Variants in NSUN2 observed in about 807,000 individuals in gnomAD.
NSUN2 encodes the protein NOP2/Sun RNA methyltransferase 2.
A neutral mutation model predicts 92.7 loss-of-function variants in NSUN2; 63 were observed. That is an observed-to-expected ratio of 0.68 (90% CI 0.56 to 0.84). The LOEUF is 0.84. NSUN2 is among the 40% of genes least tolerant of loss of function. The pLI is 0.00. For synonymous variants in NSUN2, 356 were observed against 348.3 expected (o/e 1.02, Z -0.25); for missense variants, 989 against 964.9 (o/e 1.02, Z -0.33).
intron 4 of NSUN2, among the ~76,000 whole-genome samples, chr5:6,623,739 A>G (rs1737549738): frequency 6.6e-6 from 1 of 152,232 alleles, no homozygotes; most frequent in South Asian, 2.1e-4. Flanking sequence ...GACATAGCCC[A>G]TGCCCACTTT....
intron 5 of NSUN2, among the ~76,000 whole-genome samples, chr5:6,622,653 G>A (rs1737492846): frequency 6.6e-6 from 1 of 152,096 alleles, no homozygotes; most frequent in African/African-American, 2.4e-5. Flanking sequence ...TTCGAGACCA[G>A]CCTGACCAAC....
At position 6,611,102 on chromosome 5, in the gene NSUN2, T is replaced by C. The variant is rs2303706; in HGVS notation, c.1096-17A>G. 2.9e-3 allele frequency: 4,691 copies of C among 1,614,052 alleles called. 222 individuals are homozygous for C. In the East Asian group the frequency reaches 0.093, roughly 32 times the overall value. On this transcript the variant is annotated splice_polypyrimidine_tract_variant and intron_variant, in intron 10 of 18. Coordinates refer to ENST00000264670, the MANE Select transcript of NSUN2 (RefSeq NM_017755.6). ...CGTCATTACCTGCAGAACCACAGGG[T>C]ACATTCCAGATTACTAGCACTATCC... is the stretch of plus-strand genomic sequence containing the variant.
rs770635248 is a variant in NSUN2 at position 6,632,772 on chromosome 5, G to A, written c.97-16C>T. 1.4e-5 allele frequency: 23 copies of A among 1,611,450 alleles called. No individual in the cohort carries two copies. Among genetic ancestry groups the A allele is most frequent in the Middle Eastern group, 1.7e-4 (1 of 5,960 alleles). On this transcript the variant is annotated splice_polypyrimidine_tract_variant and intron_variant, in intron 1 of 18. Coordinates refer to ENST00000264670, the MANE Select transcript of NSUN2 (RefSeq NM_017755.6). ...CTTCCCAGCCCTGAGGAAGGAAAGA[G>A]ACGTCTACCCCGAGGCCCAAGGAGC...
At chr5:6,602,384 C>G (rs1736591730) in intron 18 of NSUN2, 77 bp downstream of exon 18, 1 of 1,437,604 alleles carries the variant, frequency 7.0e-7, no homozygotes, top group Non-Finnish European at 9.8e-7. Flanking sequence ...CTTCCCAAGT[C>G]ACTTTCCTCA....
chr5:6,620,440 C>A, intron 6 of NSUN2, 142 bp from the exon 7 acceptor site: 1 of 575,388 alleles, frequency 1.7e-6, no homozygotes, highest in South Asian at 4.0e-5. Context: ...TCCAGAATTA[C>A]GTTAAGTGGT....
At chr5:6,610,934 C>T in intron 11 of NSUN2, 21 bp downstream of exon 11, 1 of 1,613,670 alleles carries the variant, frequency 6.2e-7, no homozygotes, top group Non-Finnish European at 8.5e-7. Context: ...CTCCCCACAC[C>T]TGGAGGCCCC....
intron 12 of NSUN2, among the ~76,000 whole-genome samples, chr5:6,608,305 C>T (rs1298274078): frequency 6.6e-6 from 1 of 152,222 alleles, no homozygotes; most frequent in African/African-American, 2.4e-5. Flanking sequence ...GCATGTTCTC[C>T]CATCTCTGTT....
At chr5:6,622,361 G>T (rs1737480847) in intron 5 of NSUN2, among the ~76,000 whole-genome samples, 1 of 152,194 alleles carries the variant, frequency 6.6e-6, no homozygotes, top group Non-Finnish European at 1.5e-5. Context: ...GAACAAGTAA[G>T]AATCATGAAA....
At chr5:6,625,755 C>A in intron 3 of NSUN2, 86 bp from the exon 4 acceptor site, 1 of 858,132 alleles carries the variant, frequency 1.2e-6, no homozygotes, top group East Asian at 2.6e-5. Flanking sequence ...AGTCGCATGC[C>A]AAATGAGACT....
chr5:6,605,279 C>G lies in NSUN2; in HGVS notation c.1731G>C (p.Lys577Asn), dbSNP rs1205342900. The G allele has an allele frequency of 6.2e-7, 1 of 1,614,122 alleles. No individual in the cohort carries two copies. Among genetic ancestry groups the G allele is most frequent in the Non-Finnish European group, 8.5e-7 (1 of 1,179,968 alleles). ...LRNVLLNNSE[K>N]MKVINTGIKV... ...GCGTCTGTGCGGCTGGCACCTTCATCTTCTCACTGTTATTCAGCAGCACAT... is the reference window on the plus strand; with the variant it reads ...GCGTCTGTGCGGCTGGCACCTTCATGTTCTCACTGTTATTCAGCAGCACAT... The change falls in exon 15 of 19, where the codon AAG becomes AAC. Residue 577 changes from lysine (K) to asparagine (N), a missense_variant. By Grantham distance (94) the Lys-to-Asn change is moderately conservative. Transcript: ENST00000264670.
chr5:6,607,091 A>C (rs1736807065), intron 13 of NSUN2, 109 bp downstream of exon 13: 1 of 1,162,776 alleles, frequency 8.6e-7, no homozygotes, highest in South Asian at 1.4e-5. Flanking sequence ...GATACCACAC[A>C]TGTACTGCCC....
rs974858931 is a variant in NSUN2, at chr5:6,611,719, G to A, written c.1095+6C>T. ...TTTAGAATGAAAGTTCTCGAGGAAA[G>A]GTTACCTTCCACTGTGTGATTCCAG... On this transcript the variant is annotated splice_donor_region_variant and intron_variant, in intron 10 of 18. Transcript: ENST00000264670. 5.0e-6 allele frequency: 8 copies of A among 1,613,560 alleles called. No homozygotes were observed. The African/African-American group carries it at 1.1e-4, about 22-fold the overall frequency.
In NSUN2 at chr5:6,599,874, A is replaced by G. The variant is rs199535081; in HGVS notation, c.*52T>C. On this transcript the variant is annotated 3_prime_UTR_variant, in exon 19 of 19. Coordinates refer to ENST00000264670, the MANE Select transcript of NSUN2 (RefSeq NM_017755.6). Reference sequence around the variant, plus strand: ...TTGGTTTCAGACACCAGTGACCAGAAGAAGCCAGTTTTGCGTGTGAGGGGT... The same window carrying G: ...TTGGTTTCAGACACCAGTGACCAGAGGAAGCCAGTTTTGCGTGTGAGGGGT... The G allele has an allele frequency of 3.2e-6, 5 of 1,549,002 alleles. No individual in the cohort carries two copies. The highest frequency in any genetic ancestry group is 4.4e-6 in the Non-Finnish European group (5 of 1,135,786).
chr5:6,629,814 T>G (rs1737800997), intron 3 of NSUN2, among the ~76,000 whole-genome samples: 1 of 152,148 alleles, frequency 6.6e-6, no homozygotes, highest in South Asian at 2.1e-4. Context: ...CAGGGGGAGA[T>G]CTGATGGTTT....
At position 6,617,956 on chromosome 5, in the gene NSUN2, A is replaced by G; in HGVS notation, c.884T>C (p.Leu295Pro). 1 of 1,612,622 alleles carries G rather than the reference A, an allele frequency of 6.2e-7. No homozygotes were observed. The highest frequency in any genetic ancestry group is 2.2e-5 in the East Asian group (1 of 44,834). ...GTGATGAAGTTTTACTTACCCATGTAGCTGCAAGCTATTTAAGGTGGTCCA... is the reference window on the plus strand; with the variant it reads ...GTGATGAAGTTTTACTTACCCATGTGGCTGCAAGCTATTTAAGGTGGTCCA... ...KKWTTLNSLQLHGLQLRIATR... is the reference protein window; with the variant it reads ...KKWTTLNSLQPHGLQLRIATR... The change falls in exon 8 of 19, where the codon CTA becomes CCA. Residue 295 changes from leucine to proline, a missense_variant. Transcript: ENST00000264670.
intron 3 of NSUN2, among the ~76,000 whole-genome samples, chr5:6,630,831 A>C (rs888372401): frequency 3.1e-4 from 47 of 152,200 alleles, no homozygotes; most frequent in Non-Finnish European, 6.2e-4. Flanking sequence ...GCAGTGGCTC[A>C]CGCCTGTAAT....
intron 13 of NSUN2, 60 bp downstream of exon 13, chr5:6,607,140 A>C: frequency 1.3e-6 from 2 of 1,548,766 alleles, no homozygotes; most frequent in African/African-American, 2.7e-5. Context: ...GATCCCATTT[A>C]ATCCAAAAGG....
rs756744254 is a variant in NSUN2, at chr5:6,607,301, A to G, written c.1407T>C (p.Ser469=). Residue 469 remains serine, a synonymous_variant, in exon 13 of 19, where the codon TCT becomes TCC. Transcript: ENST00000264670. ...DLTEGKPTDP[S]KLESPSFTGT... ...CTGTGAATGACGGACTTTCCAGCTT[A>G]GAGGGATCTGTGGGTTTCCCTTCTG... The G allele has an allele frequency of 2.5e-6, 4 of 1,614,224 alleles. No individual in the cohort carries two copies. The South Asian group carries it at 4.4e-5, about 18-fold the overall frequency.
intron 6 of NSUN2, 66 bp downstream of exon 6, chr5:6,621,950 C>A: frequency 2.2e-6 from 3 of 1,387,354 alleles, no homozygotes; most frequent in East Asian, 4.6e-5. Context: ...AAGTTAGAGT[C>A]TTTTCCTTGT....
Sources: gnomAD v4.1 joint callset for allele counts (sites outside exome capture counted in the v4.1 genomes callset) on GRCh38, gnomAD v4.1.1 for gene constraint, MANE v1.5 for transcripts, NCBI Gene and HGNC (gene_info 2026-07-23, HGNC 2026-07-21) for gene names.